Variants in KCNIP4 observed in about 807,000 individuals in gnomAD.
KCNIP4 encodes the protein Kv channel-interacting protein 4.
KCNIP4 carries 12 observed loss-of-function variants against 34.0 expected under a neutral mutation model. The ratio of observed to expected loss-of-function variants is 0.35; its 90% CI spans 0.23 to 0.57. KCNIP4 has a LOEUF of 0.57. KCNIP4 is among the 20% of genes least tolerant of loss of function. The pLI is 0.83. For missense variants in KCNIP4, 238 were observed against 311.7 expected, an observed-to-expected ratio of 0.76 and a Z score of 1.78; for synonymous variants, 124 against 102.2, an observed-to-expected ratio of 1.21 and a Z score of -1.29.
intron 1 of KCNIP4, among the ~76,000 whole-genome samples, chr4:21,378,972 G>A (rs1721224676): frequency 6.6e-6 from 1 of 151,810 alleles, no homozygotes; most frequent in South Asian, 2.1e-4. Flanking sequence ...TGTCCAACAG[G>A]TTAAAAACAA....
intron 1 of KCNIP4, among the ~76,000 whole-genome samples, chr4:21,380,845 C>CAG (rs1721442427): frequency 1.3e-5 from 2 of 151,748 alleles, no homozygotes; most frequent in African/African-American, 4.8e-5. Context: ...TGGTGACACA[C>CAG]ACACACACAC....
At chr4:21,763,118 A>G in intron 1 of KCNIP4, 1 of 1,286,704 alleles carries the variant, frequency 7.8e-7, no homozygotes, top group Non-Finnish European at 1.0e-6. Flanking sequence ...GCACAGGTTC[A>G]CCAGACAATA....
intron 1 of KCNIP4, among the ~76,000 whole-genome samples, chr4:21,643,443 T>C (rs1746758947): frequency 6.6e-6 from 1 of 152,134 alleles, no homozygotes; most frequent in Admixed American, 6.6e-5. Context: ...GAGATTAATT[T>C]TGGTTTAAGA....
intron 1 of KCNIP4, among the ~76,000 whole-genome samples, chr4:21,947,527 C>T (rs1160040020): frequency 5.9e-5 from 9 of 152,132 alleles, no homozygotes; most frequent in Non-Finnish European, 1.2e-4. Context: ...TGTCCATTTC[C>T]ATTTCTCATG....
intron 1 of KCNIP4, among the ~76,000 whole-genome samples, chr4:21,062,620 A>G (rs1233518215): frequency 1.3e-5 from 2 of 152,028 alleles, no homozygotes; most frequent in African/African-American, 4.8e-5. Flanking sequence ...CAAGATCTAC[A>G]TGGTGAGTCT....
intron 1 of KCNIP4, among the ~76,000 whole-genome samples, chr4:21,535,843 T>C (rs540974345): frequency 6.6e-6 from 1 of 152,280 alleles, no homozygotes; most frequent in South Asian, 2.1e-4. Context: ...GTGGATTATC[T>C]AGATCAACAA....
chr4:21,441,544 T>C (rs941268296), intron 1 of KCNIP4, among the ~76,000 whole-genome samples: 1 of 152,160 alleles, frequency 6.6e-6, no homozygotes, highest in Admixed American at 6.5e-5. Flanking sequence ...GAATGAATGA[T>C]GCATCAAAAG....
At chr4:21,919,249 T>C (rs1482554051) in intron 1 of KCNIP4, among the ~76,000 whole-genome samples, 1 of 152,170 alleles carries the variant, frequency 6.6e-6, no homozygotes, top group Non-Finnish European at 1.5e-5. Context: ...TACAATTGCA[T>C]ATTCAGAATA....
At chr4:21,069,626 G>T (rs1485484823) in intron 1 of KCNIP4, among the ~76,000 whole-genome samples, 1 of 152,100 alleles carries the variant, frequency 6.6e-6, no homozygotes, top group Non-Finnish European at 1.5e-5. Flanking sequence ...ATTGACAGAG[G>T]AGGATCAAAG....
At chr4:21,493,605 A>G (rs10014379) in intron 1 of KCNIP4, among the ~76,000 whole-genome samples, 3,596 of 152,298 alleles carry the variant, frequency 0.024, 138 homozygotes, top group African/African-American at 0.081. Context: ...TGCTGCTTGG[A>G]AAGTTTCTGG....
At chr4:21,072,618 C>T (rs1426096265) in intron 1 of KCNIP4, among the ~76,000 whole-genome samples, 8 of 152,068 alleles carry the variant, frequency 5.3e-5, no homozygotes, top group Non-Finnish European at 7.4e-5. Context: ...TGATGGTAGT[C>T]TCTTTTGCTG....
intron 1 of KCNIP4, among the ~76,000 whole-genome samples, chr4:21,390,949 A>C (rs1258525044): frequency 6.6e-6 from 1 of 152,088 alleles, no homozygotes; most frequent in Non-Finnish European, 1.5e-5. Context: ...GAAGGTTCTA[A>C]TTTCTCCATA....
intron 1 of KCNIP4, among the ~76,000 whole-genome samples, chr4:21,504,465 C>CAAAAAA (rs376644707): frequency 3.4e-4 from 19 of 56,330 alleles, no homozygotes; most frequent in East Asian, 1.5e-3. Flanking sequence ...GACTCCAACT[C>CAAAAAA]AAAAAAAAAA....
chr4:21,784,134 G>A (rs911557445), intron 1 of KCNIP4, among the ~76,000 whole-genome samples: 1 of 151,698 alleles, frequency 6.6e-6, no homozygotes. Flanking sequence ...TTCACAAGGC[G>A]GTGGGGGGTG....
rs1491541435 is a variant in KCNIP4, at chr4:21,151,405, A to ATTTTTTTTTTTTTTTTTTTTTTTT, written c.62-268697_62-268696insAAAAAAAAAAAAAAAAAAAAAAAA. Among the ~76,000 whole-genome samples, 14 of 93,512 alleles carry ATTTTTTTTTTTTTTTTTTTTTTTT rather than the reference A, an allele frequency of 1.5e-4. 6 individuals carry two copies. Among genetic ancestry groups the ATTTTTTTTTTTTTTTTTTTTTTTT allele is most frequent in the African/African-American group, 2.8e-4 (7 of 24,702 alleles). The allele number at this position is 93,512 out of a possible 152,430, so 61.3% of individuals were successfully genotyped here. Reference sequence around the variant, plus strand: ...AGAATGGATGTCTTCAACAAAAGACAATTTTTTTTTTTTTTTTTTTTTTTT... The same window carrying ATTTTTTTTTTTTTTTTTTTTTTTT: ...AGAATGGATGTCTTCAACAAAAGACATTTTTTTTTTTTTTTTTTTTTTTTATTTTTTTTTTTTTTTTTTTTTTTT... On this transcript the variant is annotated intron_variant, in intron 1 of 8. Transcript: ENST00000382152.
chr4:21,848,916 G>T (rs1379667108), intron 1 of KCNIP4: 1 of 150,784 alleles, frequency 6.6e-6, no homozygotes, highest in Admixed American at 6.7e-5. Context: ...ACTGCCACAA[G>T]AGAAAAGGGT....
intron 3 of KCNIP4, among the ~76,000 whole-genome samples, chr4:20,760,312 G>A (rs1299153322): frequency 6.6e-6 from 1 of 152,122 alleles, no homozygotes; most frequent in African/African-American, 2.4e-5. Flanking sequence ...CAACAGACCT[G>A]ACTTTAGACA....
intron 1 of KCNIP4, among the ~76,000 whole-genome samples, chr4:21,612,865 T>C (rs1744269168): frequency 6.6e-6 from 1 of 152,204 alleles, no homozygotes; most frequent in South Asian, 2.1e-4. Flanking sequence ...AAGAGTACTA[T>C]GCAAAAACAG....
At position 20,980,623 on chromosome 4, in the gene KCNIP4, C is replaced by A. The variant is rs140216643; in HGVS notation, c.62-97914G>T. Reference sequence around the variant, plus strand: ...TGCTTTATCTCAACATTAATATGGGCCCTCTCATTCAAATAGACTCAGAAG... The same window carrying A: ...TGCTTTATCTCAACATTAATATGGGACCTCTCATTCAAATAGACTCAGAAG... On this transcript the variant is annotated intron_variant, in intron 1 of 8. Transcript: ENST00000382152. 2.1e-4 allele frequency among the ~76,000 whole-genome samples: 32 copies of A among 152,104 alleles called. No individual in the cohort carries two copies. In the East Asian group the frequency reaches 6.2e-3, roughly 29 times the overall value.
Sources: allele counts gnomAD v4.1 joint callset (sites outside exome capture counted in the v4.1 genomes callset), GRCh38; gene constraint gnomAD v4.1.1; transcripts MANE v1.5; gene names NCBI Gene and HGNC (gene_info 2026-07-23, HGNC 2026-07-21).